Variants in ANO4 observed in about 807,000 individuals in gnomAD.
The protein encoded by ANO4 is anoctamin 4.
In ANO4, 69 loss-of-function variants were observed where a neutral mutation model predicts 141.9. The ratio of observed to expected loss-of-function variants is 0.49; its 90% confidence interval spans 0.40 to 0.59. ANO4 has a LOEUF of 0.59. ANO4 is among the 20% of genes least tolerant of loss of function. ANO4 has a pLI of 0.00. For missense variants in ANO4, 894 were observed against 1,162.2 expected (o/e 0.77, Z 3.36); for synonymous variants, 350 against 394.3 (o/e 0.89, Z 1.33).
chr12:100,989,653 GGATGGATGGATGGATA>G, intron 8 of ANO4, among the ~76,000 whole-genome samples: 1 of 145,986 alleles, frequency 6.8e-6, no homozygotes, highest in Non-Finnish European at 1.5e-5. Context: ...ATGGATGGAT[GGATGGATGGATGGATA>G]CATGGATAAG....
chr12:101,105,582 G>A (rs756560261), intron 22 of ANO4, among the ~76,000 whole-genome samples: 2 of 152,092 alleles, frequency 1.3e-5, no homozygotes, highest in Admixed American at 6.5e-5. Context: ...AGATTACTAG[G>A]TATGCAAAAA....
At chr12:101,125,611 C>G (rs1459019172) in intron 26 of ANO4, among the ~76,000 whole-genome samples, 1 of 152,216 alleles carries the variant, frequency 6.6e-6, no homozygotes, top group African/African-American at 2.4e-5. Context: ...TTATCAAAGA[C>G]CTTTTCTGCA....
At chr12:100,921,977 T>A (rs191073416) in intron 2 of ANO4, among the ~76,000 whole-genome samples, 1 of 152,240 alleles carries the variant, frequency 6.6e-6, no homozygotes, top group East Asian at 1.9e-4. Context: ...GAAGTGTGTT[T>A]CCTTATAAAA....
At chr12:101,000,522 G>T (rs967469011) in intron 8 of ANO4, among the ~76,000 whole-genome samples, 2 of 152,096 alleles carry the variant, frequency 1.3e-5, no homozygotes, top group Non-Finnish European at 2.9e-5. Context: ...TAGGATTAAG[G>T]TTCTTTTAGT....
intron 1 of ANO4, among the ~76,000 whole-genome samples, chr12:100,884,938 G>A (rs900527871): frequency 1.3e-5 from 2 of 152,098 alleles, no homozygotes; most frequent in African/African-American, 2.4e-5. Context: ...CAGGTGATCC[G>A]CCCGCCTTGG....
At chr12:100,845,790 A>G (rs1409881610) in intron 1 of ANO4, among the ~76,000 whole-genome samples, 3 of 152,240 alleles carry the variant, frequency 2.0e-5, no homozygotes, top group African/African-American at 7.2e-5. Context: ...GATAGCATAT[A>G]TAGCATTTAC....
At chr12:101,094,153 T>G in intron 17 of ANO4, 103 bp from the exon 18 acceptor site, 14 of 900,536 alleles carry the variant, frequency 1.6e-5, no homozygotes, top group East Asian at 2.5e-5. Flanking sequence ...GGATGCTTAA[T>G]GAAATTATTT....
chr12:101,016,867 C>T (rs1229586827), intron 8 of ANO4, among the ~76,000 whole-genome samples: 2 of 152,206 alleles, frequency 1.3e-5, no homozygotes, highest in African/African-American at 4.8e-5. Context: ...GTGTTATCCC[C>T]ATTTCACAGA....
intron 22 of ANO4, among the ~76,000 whole-genome samples, chr12:101,109,274 T>C (rs746671500): frequency 4.6e-5 from 7 of 152,144 alleles, no homozygotes; most frequent in Admixed American, 6.5e-5. Context: ...GTTAAAATTA[T>C]GTTTTCGGCT....
At chr12:100,990,067 G>A (rs1011378883) in intron 8 of ANO4, among the ~76,000 whole-genome samples, 1 of 152,164 alleles carries the variant, frequency 6.6e-6, no homozygotes, top group African/African-American at 2.4e-5. Context: ...AGGAGTGGTT[G>A]TGTAGGTGTA....
rs2051038180 is a variant in ANO4, at chr12:101,120,407, G to C, written c.2571-113G>C. The C allele has an allele frequency of 4.6e-6, 4 of 871,772 alleles. 1 individual carries two copies. The highest frequency in any genetic ancestry group is 7.2e-6 in the Non-Finnish European group (4 of 556,458). 54.0% of individuals were successfully genotyped at this position (871,772 alleles called of 1,614,324 possible). On this transcript the variant is annotated intron_variant, in intron 25 of 27. Coordinates refer to ENST00000392977, the MANE Select transcript of ANO4 (RefSeq NM_001286615.2). The stretch of plus-strand genomic sequence containing the variant: ...AGCAAAACAACAGATATCTAGTATA[G>C]AGAAACTTCAAATTTCCCTCCTATT...
intron 8 of ANO4, among the ~76,000 whole-genome samples, chr12:101,001,994 A>C (rs774880751): frequency 3.3e-5 from 5 of 152,052 alleles, no homozygotes; most frequent in Admixed American, 6.6e-5. Context: ...GAGTGATTTC[A>C]CCACTGTGTG....
At chr12:100,842,075 C>CG (rs1250550728) in intron 1 of ANO4, 17 of 100,714 alleles carry the variant, frequency 1.7e-4, no homozygotes, top group African/African-American at 6.1e-4. Context: ...CCCCCCCCCC[C>CG]CCACTGAAAG....
intron 14 of ANO4, among the ~76,000 whole-genome samples, chr12:101,054,732 C>T (rs941411661): frequency 6.6e-6 from 1 of 152,188 alleles, no homozygotes; most frequent in African/African-American, 2.4e-5. Context: ...GATCTTCTGA[C>T]CTTGTGATCC....
intron 1 of ANO4, among the ~76,000 whole-genome samples, chr12:100,804,426 C>A (rs117715786): frequency 0.052 from 7,842 of 152,200 alleles, 216 homozygotes; most frequent in Non-Finnish European, 0.067. Context: ...ATGCATGTAT[C>A]TTTATAATAA....
chr12:101,031,170 G>A (rs529115024), intron 9 of ANO4, among the ~76,000 whole-genome samples: 3 of 152,110 alleles, frequency 2.0e-5, no homozygotes, highest in Admixed American at 2.0e-4. Context: ...GATGAATATC[G>A]ATGCGAAAAT....
At chr12:100,987,423 T>G in intron 7 of ANO4, 116 bp from the exon 8 acceptor site, 57 of 1,280,342 alleles carry the variant, frequency 4.5e-5, no homozygotes, top group Non-Finnish European at 5.3e-5. Flanking sequence ...CTGAGTGCAG[T>G]GAGAGGGCCT....
chr12:101,043,127 T>A (rs2047475305), intron 12 of ANO4, among the ~76,000 whole-genome samples: 1 of 152,242 alleles, frequency 6.6e-6, no homozygotes. Flanking sequence ...GAATCTCTAG[T>A]CATTTATGTT....
chr12:101,076,028 G>A lies in ANO4; in HGVS notation c.1313-3165G>A, dbSNP rs58227269. ...ACCCAAACATACCGACAAGGGAATG[G>A]CAGTTGCACAAGCAGCTAATTTCTT... On this transcript the variant is annotated intron_variant, in intron 14 of 27. Transcript: ENST00000392977. Among the ~76,000 whole-genome samples the A allele has an allele frequency of 3.3e-5, 5 of 152,262 alleles. No individual in the cohort carries two copies. The East Asian group carries it at 9.6e-4, about 29-fold the overall frequency.
Sources: gnomAD v4.1 joint callset for allele counts (sites outside exome capture counted in the v4.1 genomes callset) on GRCh38, gnomAD v4.1.1 for gene constraint, MANE v1.5 for transcripts, NCBI Gene and HGNC (gene_info 2026-07-23, HGNC 2026-07-21) for gene names.